DYSF: variants seen among roughly 807,000 people sequenced by gnomAD.
DYSF encodes dystrophy-associated fer-1-like 1.
In DYSF, 212 loss-of-function variants were observed where a neutral mutation model predicts 274.9. That is an observed-to-expected ratio of 0.77 (90% CI 0.69 to 0.86). DYSF has a LOEUF of 0.86. Ranked by LOEUF, DYSF falls within the 40% of genes least tolerant of loss-of-function variation. DYSF has a pLI of 0.00. For synonymous variants in DYSF, 1,091 were observed against 1,078.7 expected, an observed-to-expected ratio of 1.01 and a Z score of -0.22; for missense variants, 2,666 against 2,783.2, an observed-to-expected ratio of 0.96 and a Z score of 0.95.
At chr2:71,500,673 C>T (rs565279337) in intron 3 of DYSF, among the ~76,000 whole-genome samples, 25 of 152,192 alleles carry the variant, frequency 1.6e-4, no homozygotes, top group Admixed American at 5.9e-4. Context: ...TGGCTTTTCT[C>T]GGCACCCTAT....
chr2:71,517,252 T>C (rs570883102), intron 10 of DYSF, among the ~76,000 whole-genome samples: 1 of 152,334 alleles, frequency 6.6e-6, no homozygotes, highest in East Asian at 1.9e-4. Context: ...GCACTTTTTG[T>C]CACTGAAGAG....
chr2:71,585,298 CGT>C (rs1442316786), intron 30 of DYSF, among the ~76,000 whole-genome samples: 1 of 152,194 alleles, frequency 6.6e-6, no homozygotes, highest in Non-Finnish European at 1.5e-5. Flanking sequence ...TGAGGCTATG[CGT>C]GTTAGAATGC....
chr2:71,542,605 T>C (rs1216751197), intron 17 of DYSF, among the ~76,000 whole-genome samples: 1 of 152,118 alleles, frequency 6.6e-6, no homozygotes, highest in African/African-American at 2.4e-5. Context: ...CAAGCATCTG[T>C]TTAACAAAGC....
chr2:71,600,586 C>T lies in DYSF; in HGVS notation c.3757-116C>T, dbSNP rs2093525968. Reference sequence around the variant, plus strand: ...ATTCACCATTCTGTGGGAGGGGGTGCCCTTACTACTGAGGCCCTTTCTAGT... The same window carrying T: ...ATTCACCATTCTGTGGGAGGGGGTGTCCTTACTACTGAGGCCCTTTCTAGT... On this transcript the variant is annotated intron_variant, in intron 33 of 55. Coordinates refer to ENST00000410020, the MANE Select transcript of DYSF (RefSeq NM_001130987.2). The T allele has an allele frequency of 5.6e-6, 8 of 1,416,320 alleles. No homozygotes were observed. The Admixed American group carries it at 1.3e-4, about 24-fold the overall frequency. 87.7% of individuals were successfully genotyped at this position (1,416,320 alleles called of 1,614,324 possible).
chr2:71,569,733 T>C, intron 26 of DYSF, 87 bp from the exon 27 acceptor site: 1 of 1,144,006 alleles, frequency 8.7e-7, no homozygotes, highest in Non-Finnish European at 1.3e-6. Context: ...GAGGCTGACA[T>C]ACGCAGGGGT....
intron 4 of DYSF, among the ~76,000 whole-genome samples, chr2:71,504,995 G>A (rs1426117250): frequency 2.0e-5 from 3 of 152,236 alleles, no homozygotes; most frequent in Non-Finnish European, 4.4e-5. Context: ...TCTCCAAAAA[G>A]AGTGTGTGAG....
intron 30 of DYSF, among the ~76,000 whole-genome samples, chr2:71,582,031 T>C (rs2092913285): frequency 7.7e-6 from 1 of 129,770 alleles, no homozygotes; most frequent in Admixed American, 9.8e-5. Context: ...TGCTTGAACC[T>C]GGGAGGCAGA....
chr2:71,669,095 G>A lies in DYSF; in HGVS notation c.5547-17G>A. 1 of 1,573,780 alleles carries A rather than the reference G, an allele frequency of 6.4e-7. No individual in the cohort carries two copies. The highest frequency in any genetic ancestry group is 8.6e-7 in the Non-Finnish European group (1 of 1,156,354). On this transcript the variant is annotated splice_polypyrimidine_tract_variant and intron_variant, in intron 49 of 55. Coordinates refer to ENST00000410020, the MANE Select transcript of DYSF (RefSeq NM_001130987.2). ...TGGTAGGAAATCTAGGTGGATTAGA[G>A]TGATACCTTTCCCCAGGTTTTTCCT...
Position 71,515,682 on chromosome 2 carries a change from C to A in DYSF, c.819C>A (p.Val273=). Residue 273 remains valine, a synonymous_variant, in exon 8 of 56, where the codon GTC becomes GTA. Transcript: ENST00000410020. ...CGGGGGTGAACATCAAGCCTGTGGTCAAGGTTACCGCTGCAGGGCAGACCA... is the reference window on the plus strand; with the variant it reads ...CGGGGGTGAACATCAAGCCTGTGGTAAAGGTTACCGCTGCAGGGCAGACCA... ...QLPGVNIKPV[V]KVTAAGQTKR... is the part of the protein sequence containing the mutation. 2 of 1,614,050 alleles carry A rather than the reference C, an allele frequency of 1.2e-6. No homozygotes were observed. Among genetic ancestry groups the A allele is most frequent in the African/African-American group, 2.7e-5 (2 of 75,006 alleles).
At chr2:71,630,945 G>C (rs6748973) in intron 41 of DYSF, among the ~76,000 whole-genome samples, 1 of 152,170 alleles carries the variant, frequency 6.6e-6, no homozygotes, top group Non-Finnish European at 1.5e-5. Context: ...AGTGTAGGAG[G>C]CATTCTTCCC....
intron 49 of DYSF, 123 bp from the exon 50 acceptor site, chr2:71,668,989 G>A: frequency 7.7e-7 from 1 of 1,299,672 alleles, no homozygotes; most frequent in South Asian, 1.3e-5. Context: ...GCCTGGGCCA[G>A]TGTCCAGCCA....
At chr2:71,622,126 CTTTGTTTTT>C (rs1321699941) in intron 41 of DYSF, among the ~76,000 whole-genome samples, 2 of 38,746 alleles carry the variant, frequency 5.2e-5, no homozygotes, top group African/African-American at 1.2e-4. Context: ...CAGATGATTT[CTTTGTTTTT>C]TTTTTTTTTT....
chr2:71,571,866 G>A (rs952151339), intron 29 of DYSF, among the ~76,000 whole-genome samples: 1 of 107,480 alleles, frequency 9.3e-6, no homozygotes. Context: ...ACCACACACA[G>A]ATCACACCCA....
chr2:71,466,449 C>A (rs995932669), upstream of DYSF, among the ~76,000 whole-genome samples: 1 of 152,198 alleles, frequency 6.6e-6, no homozygotes, highest in Admixed American at 6.5e-5. Flanking sequence ...CGGAGGCCCC[C>A]GCGGAGCAGG....
At chr2:71,584,926 A>G (rs2093015742) in intron 30 of DYSF, among the ~76,000 whole-genome samples, 1 of 152,242 alleles carries the variant, frequency 6.6e-6, no homozygotes, top group Admixed American at 6.5e-5. Flanking sequence ...TATGAATTCA[A>G]GAAATTTACA....
intron 40 of DYSF, among the ~76,000 whole-genome samples, chr2:71,616,097 A>G (rs978602848): frequency 3.3e-5 from 5 of 152,094 alleles, no homozygotes; most frequent in African/African-American, 9.7e-5. Context: ...ACACATTTAG[A>G]ACATGTCACC....
intron 16 of DYSF, among the ~76,000 whole-genome samples, chr2:71,537,734 G>A (rs1478239925): frequency 6.6e-6 from 1 of 152,178 alleles, no homozygotes; most frequent in Non-Finnish European, 1.5e-5. Context: ...ACCTTGTAGG[G>A]TTAGGATTTC....
At chr2:71,670,997 C>T (rs1311957067) in intron 51 of DYSF, among the ~76,000 whole-genome samples, 2 of 152,182 alleles carry the variant, frequency 1.3e-5, no homozygotes, top group Admixed American at 6.5e-5. Flanking sequence ...GCTCCTATGA[C>T]TCCTTGTCTC....
At chr2:71,594,702 G>T (rs1032023092) in intron 32 of DYSF, among the ~76,000 whole-genome samples, 3 of 152,146 alleles carry the variant, frequency 2.0e-5, no homozygotes, top group Admixed American at 6.5e-5. Context: ...AGTCTTTGGT[G>T]TGTTTACCCT....
Sources: gnomAD v4.1 joint callset for allele counts (sites outside exome capture counted in the v4.1 genomes callset) on GRCh38, gnomAD v4.1.1 for gene constraint, MANE v1.5 for transcripts, NCBI Gene and HGNC (gene_info 2026-07-23, HGNC 2026-07-21) for gene names.